The following SGMS1 variants were observed in gnomAD, a reference collection of about 807,000 sequenced individuals.
SGMS1 encodes the protein sphingomyelin synthase 1, also known as phosphatidylcholine:ceramide cholinephosphotransferase 1.
Under a neutral mutation model 46.2 loss-of-function variants are expected in SGMS1, and 13 were observed. The ratio of observed to expected loss-of-function variants is 0.28; its 90% CI spans 0.18 to 0.45. The LOEUF is 0.45. Ranked by LOEUF, SGMS1 falls within the 20% of genes least tolerant of loss-of-function variation. The pLI is 1.00. For synonymous variants in SGMS1, 203 were observed against 187.8 expected, an observed-to-expected ratio of 1.08 and a Z score of -0.66; for missense variants, 324 against 519.9, an observed-to-expected ratio of 0.62 and a Z score of 3.66.
chr10:50,577,180 G>A (rs1334436584), intron 2 of SGMS1, among the ~76,000 whole-genome samples: 1 of 152,206 alleles, frequency 6.6e-6, no homozygotes, highest in African/African-American at 2.4e-5. Context: ...CTTTAAAAGT[G>A]CACTTGTGGC....
Position 50,569,034 on chromosome 10 carries a change from A to C in SGMS1, c.-589+21119T>G, listed in dbSNP as rs557015514. 2.0e-4 allele frequency among the ~76,000 whole-genome samples: 31 copies of C among 152,240 alleles called. No homozygotes were observed. In the South Asian group the frequency reaches 6.4e-3, roughly 32 times the overall value. ...GAAGCTGGAAACCATAATTCTCAGC[A>C]AACTAACACAGGAACAGAAAACCAA... On this transcript the variant is annotated intron_variant, in intron 2 of 10. Coordinates refer to ENST00000361781, the MANE Select transcript of SGMS1 (RefSeq NM_147156.4).
chr10:50,392,344 TAATC>T (rs1338976014), intron 6 of SGMS1, among the ~76,000 whole-genome samples: 17 of 152,208 alleles, frequency 1.1e-4, no homozygotes, highest in African/African-American at 3.6e-4. Flanking sequence ...TAGAGAGTCT[TAATC>T]AAAGCCATGG....
At chr10:50,345,158 A>T (rs1320120832) in intron 6 of SGMS1, among the ~76,000 whole-genome samples, 1 of 151,328 alleles carries the variant, frequency 6.6e-6, no homozygotes, top group Non-Finnish European at 1.5e-5. Context: ...CCCCTTTTCC[A>T]TATGTGCTTA....
chr10:50,563,255 G>A (rs1022338897), intron 2 of SGMS1, among the ~76,000 whole-genome samples: 3 of 152,286 alleles, frequency 2.0e-5, no homozygotes, highest in East Asian at 1.9e-4. Context: ...TGGGAAGGAC[G>A]ACCTACCATA....
intron 5 of SGMS1, among the ~76,000 whole-genome samples, chr10:50,451,747 G>A (rs775485964): frequency 1.3e-5 from 2 of 152,092 alleles, no homozygotes; most frequent in African/African-American, 4.8e-5. Context: ...CTATCAAATG[G>A]CAATGCTTCT....
At chr10:50,467,880 G>A (rs1162074373) in intron 3 of SGMS1, among the ~76,000 whole-genome samples, 1 of 152,154 alleles carries the variant, frequency 6.6e-6, no homozygotes, top group Non-Finnish European at 1.5e-5. Context: ...ATTGTATGAG[G>A]TCAATCTGCC....
At chr10:50,324,164 A>T (rs1288298259) in intron 8 of SGMS1, among the ~76,000 whole-genome samples, 1 of 152,204 alleles carries the variant, frequency 6.6e-6, no homozygotes, top group Non-Finnish European at 1.5e-5. Context: ...ACTCCTTAAG[A>T]CAGATTTCAA....
At chr10:50,492,604 A>C (rs1159345424) in intron 3 of SGMS1, among the ~76,000 whole-genome samples, 7 of 152,238 alleles carry the variant, frequency 4.6e-5, no homozygotes, top group African/African-American at 1.7e-4. Context: ...CGGGGAGGTG[A>C]AAGACCTCTA....
At chr10:50,603,109 C>T (rs187008472) in intron 1 of SGMS1, among the ~76,000 whole-genome samples, 1 of 152,206 alleles carries the variant, frequency 6.6e-6, no homozygotes, top group Admixed American at 6.5e-5. Flanking sequence ...CATTCTAAAA[C>T]CTTTTGCCTC....
At chr10:50,557,666 AAC>A (rs1838199546) in intron 2 of SGMS1, among the ~76,000 whole-genome samples, 1 of 151,278 alleles carries the variant, frequency 6.6e-6, no homozygotes, top group Non-Finnish European at 1.5e-5. Flanking sequence ...AGCAAAAATA[AAC>A]ACACAAACTC....
intron 5 of SGMS1, among the ~76,000 whole-genome samples, chr10:50,444,860 G>A (rs1413315052): frequency 6.6e-6 from 1 of 152,098 alleles, no homozygotes; most frequent in East Asian, 1.9e-4. Context: ...AGAAAAACTA[G>A]CTAGTTGGAC....
chr10:50,565,583 G>A (rs980065595), intron 2 of SGMS1, among the ~76,000 whole-genome samples: 5 of 152,176 alleles, frequency 3.3e-5, no homozygotes, highest in Non-Finnish European at 7.3e-5. Flanking sequence ...AAAGTGTCCT[G>A]GATAAGCAAC....
At chr10:50,376,766 C>T (rs944925818) in intron 6 of SGMS1, among the ~76,000 whole-genome samples, 4 of 152,176 alleles carry the variant, frequency 2.6e-5, no homozygotes, top group African/African-American at 9.7e-5. Flanking sequence ...ATGAACTCAT[C>T]TTTTCTTGTG....
chr10:50,452,776 A>G (rs752373335), intron 5 of SGMS1, among the ~76,000 whole-genome samples: 6 of 152,228 alleles, frequency 3.9e-5, no homozygotes, highest in Non-Finnish European at 8.8e-5. Flanking sequence ...GTATATGGGC[A>G]AATTAGAAAT....
intron 7 of SGMS1, 99 bp from the exon 8 acceptor site, chr10:50,327,421 A>C: frequency 1.4e-6 from 1 of 725,250 alleles, no homozygotes; most frequent in Non-Finnish European, 2.4e-6. Context: ...AACCCCAAAA[A>C]CTACTTGAGA....
chr10:50,321,270 A>G lies in SGMS1; in HGVS notation c.741+5935T>C, dbSNP rs187829789. Among the ~76,000 whole-genome samples the G allele has an allele frequency of 1.0e-3, 156 of 152,364 alleles. 1 individual carries two copies. Among genetic ancestry groups the G allele is most frequent in the Non-Finnish European group, 1.9e-3 (130 of 68,034 alleles). On this transcript the variant is annotated intron_variant, in intron 8 of 10. Coordinates refer to ENST00000361781, the MANE Select transcript of SGMS1 (RefSeq NM_147156.4). ...ACCATCAGAATCATGTAAAAAATGC[A>G]TACATAAGGAACTAATATACTGAAT...
intron 1 of SGMS1, among the ~76,000 whole-genome samples, chr10:50,618,186 T>C (rs1243349738): frequency 6.6e-6 from 1 of 152,190 alleles, no homozygotes; most frequent in African/African-American, 2.4e-5. Flanking sequence ...TAATGTGAGA[T>C]TCCTTTGTTT....
intron 6 of SGMS1, among the ~76,000 whole-genome samples, chr10:50,376,674 C>T (rs888093520): frequency 2.0e-5 from 3 of 152,142 alleles, no homozygotes; most frequent in Admixed American, 6.5e-5. Context: ...TGAGTGAGAA[C>T]ATGCGGTGTT....
At chr10:50,501,546 C>CA (rs540872681) in intron 3 of SGMS1, among the ~76,000 whole-genome samples, 39 of 151,582 alleles carry the variant, frequency 2.6e-4, no homozygotes, top group African/African-American at 8.5e-4. Flanking sequence ...ACACGCAGAC[C>CA]AAAAAAAATT....
Sources: allele counts gnomAD v4.1 joint callset (sites outside exome capture counted in the v4.1 genomes callset), GRCh38; gene constraint gnomAD v4.1.1; transcripts MANE v1.5; gene names NCBI Gene and HGNC (gene_info 2026-07-23, HGNC 2026-07-21).